MTF2: variants seen among roughly 807,000 people sequenced by gnomAD.
MTF2 encodes metal response element binding transcription factor 2.
A neutral mutation model predicts 79.5 loss-of-function variants in MTF2; 11 were observed. The ratio of observed to expected loss-of-function variants is 0.14; its 90% CI spans 0.09 to 0.23. The LOEUF (loss-of-function observed/expected upper bound fraction) is 0.23. Among genes scored for constraint, MTF2 ranks in the 10% least tolerant of loss-of-function variants. The pLI is 1.00. For missense variants in MTF2, 486 were observed against 711.2 expected (o/e 0.68, Z 3.60); for synonymous variants, 208 against 232.8 (o/e 0.89, Z 0.97).
At chr1:93,120,341 C>A in intron 8 of MTF2, 3 of 268,054 alleles carry the variant, frequency 1.1e-5, no homozygotes, top group East Asian at 9.0e-5. Context: ...CATATATCTT[C>A]TAGTTTATAG....
intron 1 of MTF2, among the ~76,000 whole-genome samples, chr1:93,098,829 G>A (rs2749733): frequency 1 from 152,258 of 152,294 alleles, 76,111 homozygotes; most frequent in Middle Eastern, 1. Flanking sequence ...AATGGTTTCA[G>A]AATTTTGACT....
chr1:93,118,296 T>A, intron 6 of MTF2, 49 bp from the exon 7 acceptor site: 2 of 1,162,838 alleles, frequency 1.7e-6, no homozygotes, highest in African/African-American at 1.6e-5. Flanking sequence ...AATGAACCTT[T>A]CCCTTAAGAC....
In MTF2 at chr1:93,137,088, C is replaced by G; in HGVS notation, c.*61C>G. ...TTTTCTGTAGGTACAGTTCAAAGCC[C>G]TAAAGGAGTCTGGCTTTTACTATCT... On this transcript the variant is annotated 3_prime_UTR_variant, in exon 15 of 15. Transcript: ENST00000370298. 1 of 1,372,630 alleles carries G rather than the reference C, an allele frequency of 7.3e-7. No homozygotes were observed. The highest frequency in any genetic ancestry group is 1.4e-5 in the South Asian group (1 of 71,528). 85.0% of individuals were successfully genotyped at this position (1,372,630 alleles called of 1,614,324 possible). A position where few individuals can be genotyped will look rare whatever the true frequency, so the allele number is the denominator to read the frequency against.
intron 1 of MTF2, among the ~76,000 whole-genome samples, chr1:93,080,180 G>C (rs1236503754): frequency 6.6e-6 from 1 of 152,152 alleles, no homozygotes; most frequent in Non-Finnish European, 1.5e-5. Context: ...CCAAAAATAT[G>C]AGGCTTTTCT....
In MTF2 at chr1:93,105,703, C is replaced by A. The variant is rs551773487; in HGVS notation, c.6-4527C>A. On this transcript the variant is annotated intron_variant, in intron 1 of 14. Transcript: ENST00000370298. The stretch of plus-strand genomic sequence containing the variant: ...TGTGTTTTTTTTTTGAGACCAGAGT[C>A]TTGCTCTTTTCACCCAGGCTGGAGT... 5.3e-5 allele frequency among the ~76,000 whole-genome samples: 8 copies of A among 151,668 alleles called. No individual in the cohort carries two copies. In the East Asian group the frequency reaches 1.5e-3, roughly 29 times the overall value.
At chr1:93,092,953 C>T (rs903278191) in intron 1 of MTF2, among the ~76,000 whole-genome samples, 1 of 152,010 alleles carries the variant, frequency 6.6e-6, no homozygotes, top group African/African-American at 2.4e-5. Context: ...GAGGCCAAGG[C>T]GGGCAAATCA....
At chr1:93,116,236 A>AT (rs11362921) in intron 6 of MTF2, among the ~76,000 whole-genome samples, 11 of 150,618 alleles carry the variant, frequency 7.3e-5, no homozygotes, top group Non-Finnish European at 1.0e-4. Context: ...TTTAAAAAGT[A>AT]TTTTTTTTTT....
rs1656409221 is a variant in MTF2 at position 93,120,072 on chromosome 1, C to G, written c.798-477C>G. 1.3e-5 allele frequency: 2 copies of G among 152,356 alleles called. 1 individual carries two copies. The highest frequency in any genetic ancestry group is 4.1e-4 in the South Asian group (2 of 4,834). 9.4% of individuals were successfully genotyped at this position (152,356 alleles called of 1,614,324 possible). A position where few individuals can be genotyped will look rare whatever the true frequency, so the allele number is the denominator to read the frequency against. Reference sequence around the variant, plus strand: ...CCGAGGTGGGTGGATCTCCTGAGGTCTGGAGTTTAAGACCAGCCTGGCCAA... The same window carrying G: ...CCGAGGTGGGTGGATCTCCTGAGGTGTGGAGTTTAAGACCAGCCTGGCCAA... On this transcript the variant is annotated intron_variant, in intron 8 of 14. Transcript: ENST00000370298.
chr1:93,106,199 AT>A (rs1442323177), intron 1 of MTF2, among the ~76,000 whole-genome samples: 2 of 152,216 alleles, frequency 1.3e-5, no homozygotes, highest in African/African-American at 2.4e-5. Context: ...AAATAAAAAA[AT>A]GTTTGATACC....
At chr1:93,111,790 G>T (rs1448011074) in intron 3 of MTF2, among the ~76,000 whole-genome samples, 3 of 152,066 alleles carry the variant, frequency 2.0e-5, no homozygotes, top group African/African-American at 7.2e-5. Flanking sequence ...ATATTGAGCA[G>T]ATCTTACTAC....
At chr1:93,117,045 G>GA (rs1198881692) in intron 6 of MTF2, among the ~76,000 whole-genome samples, 3 of 152,122 alleles carry the variant, frequency 2.0e-5, no homozygotes, top group African/African-American at 7.2e-5. Flanking sequence ...GAAAAAGTTT[G>GA]AAATATTATG....
chr1:93,115,685 A>G, intron 6 of MTF2, 67 bp downstream of exon 6: 3 of 1,341,644 alleles, frequency 2.2e-6, no homozygotes, highest in Non-Finnish European at 3.0e-6. Flanking sequence ...TTTCTTGATT[A>G]TGGTGTGTGA....
chr1:93,085,939 G>A (rs1011572514), intron 1 of MTF2, among the ~76,000 whole-genome samples: 5 of 152,138 alleles, frequency 3.3e-5, no homozygotes, highest in South Asian at 2.1e-4. Flanking sequence ...TAACACAGTC[G>A]TTTGTTATCA....
At position 93,082,672 on chromosome 1, in the gene MTF2, G is replaced by A. The variant is rs373444317; in HGVS notation, c.5+3141G>A. Among the ~76,000 whole-genome samples the A allele has an allele frequency of 5.5e-4, 84 of 152,092 alleles. No homozygotes were observed. In the South Asian group the frequency reaches 0.016, roughly 30 times the overall value. On this transcript the variant is annotated intron_variant, in intron 1 of 14. Coordinates refer to ENST00000370298, the MANE Select transcript of MTF2 (RefSeq NM_007358.4). ...ATCTTAACTGTACAGTTGTTAATAA[G>A]TTTTATTGAGATATAATTTATATAC... is the stretch of plus-strand genomic sequence containing the variant.
chr1:93,109,684 G>GTT (rs879673870), intron 1 of MTF2, among the ~76,000 whole-genome samples: 9 of 147,844 alleles, frequency 6.1e-5, no homozygotes, highest in Admixed American at 1.3e-4. Context: ...GGTTCTCAAT[G>GTT]TTTTTTTTTT....
At chr1:93,097,172 C>G (rs752134341) in intron 1 of MTF2, among the ~76,000 whole-genome samples, 1 of 152,038 alleles carries the variant, frequency 6.6e-6, no homozygotes, top group East Asian at 1.9e-4. Context: ...TGGAGTCTTA[C>G]GGCATTGTAG....
chr1:93,127,351 A>G (rs1204532422), intron 10 of MTF2, 52 bp downstream of exon 10: 8 of 1,159,466 alleles, frequency 6.9e-6, no homozygotes, highest in African/African-American at 1.5e-5. Flanking sequence ...TAGTAAGTAT[A>G]AGGAATAATG....
intron 1 of MTF2, 109 bp downstream of exon 1, chr1:93,079,640 G>T: frequency 7.1e-7 from 1 of 1,398,888 alleles, no homozygotes; most frequent in South Asian, 1.2e-5. Flanking sequence ...CCAAGGTGGG[G>T]GTGGGGGCTC....
At chr1:93,088,520 G>A (rs1191142116) in intron 1 of MTF2, among the ~76,000 whole-genome samples, 2 of 151,962 alleles carry the variant, frequency 1.3e-5, no homozygotes, top group East Asian at 1.9e-4. Flanking sequence ...TAAATGTTTG[G>A]TATTTACCAT....
Sources: gnomAD v4.1 joint callset for allele counts (sites outside exome capture counted in the v4.1 genomes callset) on GRCh38, gnomAD v4.1.1 for gene constraint, MANE v1.5 for transcripts, NCBI Gene and HGNC (gene_info 2026-07-23, HGNC 2026-07-21) for gene names.